The following WDFY4 variants were observed in gnomAD, a reference collection of about 807,000 sequenced individuals.
WDFY4 encodes the protein WDFY family member 4.
A neutral mutation model predicts 351.9 loss-of-function variants in WDFY4; 169 were observed. The observed-to-expected ratio is 0.48, with a 90% confidence interval of 0.42 to 0.55. The LOEUF is 0.55. Ranked by LOEUF, WDFY4 falls within the 20% of genes least tolerant of loss-of-function variation. The pLI is 0.00. For missense variants in WDFY4, 3,803 were observed against 3,935.6 expected (o/e 0.97, Z 0.90); for synonymous variants, 1,622 against 1,574.6 (o/e 1.03, Z -0.71).
intron 47 of WDFY4, chr10:48,910,215 T>C: frequency 6.2e-7 from 1 of 1,601,336 alleles, no homozygotes; most frequent in Non-Finnish European, 8.6e-7. Context: ...TGAGTAGTCT[T>C]CAAGATTTTG....
chr10:48,860,557 C>T (rs981556847), intron 39 of WDFY4, among the ~76,000 whole-genome samples: 2 of 152,222 alleles, frequency 1.3e-5, no homozygotes, highest in Non-Finnish European at 2.9e-5. Context: ...TGTCCCACCT[C>T]TTAATACCAT....
In WDFY4 at chr10:48,720,029, G is replaced by A. The variant is rs1323098266; in HGVS notation, c.253G>A (p.Gly85Arg). The change falls in exon 3 of 62, where the codon GGG becomes AGG. Residue 85 changes from glycine (G) to arginine (R), a missense_variant. This residue lies in a region of WDFY4 where 488 missense variants were observed against 456.8 expected (regional missense o/e 1.07). Coordinates refer to ENST00000325239, the MANE Select transcript of WDFY4 (RefSeq NM_001394531.1). ...LFLKAWEHSV[G>R]IICFPSLQRL... ...GCTTCAGGCCTGGGAACACTCCGTGGGGATCATCTGCTTTCCCAGTCTCCA... is the reference window on the plus strand; with the variant it reads ...GCTTCAGGCCTGGGAACACTCCGTGAGGATCATCTGCTTTCCCAGTCTCCA... The A allele has an allele frequency of 6.4e-7, 1 of 1,551,710 alleles. No individual in the cohort carries two copies. Among genetic ancestry groups the A allele is most frequent in the South Asian group, 1.2e-5 (1 of 84,064 alleles).
intron 2 of WDFY4, among the ~76,000 whole-genome samples, chr10:48,715,823 G>A (rs956116788): frequency 2.0e-5 from 2 of 100,332 alleles, no homozygotes; most frequent in Non-Finnish European, 4.3e-5. Context: ...TTTTTTTTTT[G>A]TATTTTTAGT....
intron 39 of WDFY4, among the ~76,000 whole-genome samples, chr10:48,846,032 G>T (rs1278376884): frequency 6.6e-6 from 1 of 152,182 alleles, no homozygotes; most frequent in Non-Finnish European, 1.5e-5. Flanking sequence ...GCCCCATCCT[G>T]CCATCATGTC....
intron 45 of WDFY4, 52 bp from the exon 46 acceptor site, chr10:48,900,169 C>T (rs1241431382): frequency 3.4e-6 from 5 of 1,486,938 alleles, no homozygotes; most frequent in Admixed American, 2.1e-5. Flanking sequence ...CACCCTGGGG[C>T]GTCTCTAGTC....
At position 48,821,263 on chromosome 10, in the gene WDFY4, C is replaced by G. The variant is rs922211596; in HGVS notation, c.5824+87C>G. On this transcript the variant is annotated intron_variant, in intron 34 of 61. Coordinates refer to ENST00000325239, the MANE Select transcript of WDFY4 (RefSeq NM_001394531.1). The stretch of plus-strand genomic sequence containing the variant: ...ACCAGCATGCTGGCCAGGAACTGAC[C>G]CTAGCTGTGGGATGCTGCCTCCACC... 3.7e-6 allele frequency: 4 copies of G among 1,092,480 alleles called. No individual in the cohort carries two copies. In the African/African-American group the frequency reaches 6.2e-5, roughly 17 times the overall value. 67.7% of individuals were successfully genotyped at this position (1,092,480 alleles called of 1,614,324 possible).
At chr10:48,901,949 C>T (rs1448642923) in intron 47 of WDFY4, 86 bp downstream of exon 47, 3 of 1,254,912 alleles carry the variant, frequency 2.4e-6, no homozygotes, top group Non-Finnish European at 1.1e-6. Context: ...CTAAAGAAGT[C>T]TTGCAGAGAG....
chr10:48,801,583 G>A (rs535581052), intron 24 of WDFY4: 72 of 451,688 alleles, frequency 1.6e-4, no homozygotes, highest in African/African-American at 1.3e-3. Context: ...GTCCCAAATG[G>A]CAGCTGGCCC....
At chr10:48,922,045 GC>G (rs1839129338) in intron 47 of WDFY4, among the ~76,000 whole-genome samples, 1 of 152,064 alleles carries the variant, frequency 6.6e-6, no homozygotes, top group Non-Finnish European at 1.5e-5. Flanking sequence ...ATTCATAATT[GC>G]CCCAAACAGA....
At chr10:48,824,982 CATGTGCAGG>C (rs2133021524) in intron 35 of WDFY4, among the ~76,000 whole-genome samples, 1 of 152,248 alleles carries the variant, frequency 6.6e-6, no homozygotes, top group East Asian at 1.9e-4. Context: ...TTCCAGGGTA[CATGTGCAGG>C]ATGTGCAGGT....
At chr10:48,737,028 C>T (rs2064692082) in intron 11 of WDFY4, among the ~76,000 whole-genome samples, 1 of 152,238 alleles carries the variant, frequency 6.6e-6, no homozygotes, top group Non-Finnish European at 1.5e-5. Flanking sequence ...TTCTGCCTTA[C>T]AACTTTCACA....
chr10:48,874,755 C>T (rs1285063759), intron 41 of WDFY4, among the ~76,000 whole-genome samples: 1 of 152,192 alleles, frequency 6.6e-6, no homozygotes, highest in Non-Finnish European at 1.5e-5. Context: ...GCTGTCCAGC[C>T]CTGGAACCTC....
chr10:48,836,502 C>G (rs937536979), intron 39 of WDFY4, among the ~76,000 whole-genome samples: 3 of 152,170 alleles, frequency 2.0e-5, no homozygotes, highest in African/African-American at 7.2e-5. Context: ...GGTGTTATTC[C>G]TTATCATGTC....
intron 40 of WDFY4, among the ~76,000 whole-genome samples, chr10:48,869,298 C>T (rs754854802): frequency 6.6e-5 from 10 of 152,108 alleles, no homozygotes; most frequent in Non-Finnish European, 1.0e-4. Flanking sequence ...CCCAGGTGCA[C>T]CAAATGAGGC....
chr10:48,839,941 T>G (rs757996119), intron 39 of WDFY4, among the ~76,000 whole-genome samples: 1 of 152,246 alleles, frequency 6.6e-6, no homozygotes, highest in Non-Finnish European at 1.5e-5. Context: ...CAAGGACCTC[T>G]TGGCTCTTGG....
At chr10:48,742,046 T>C (rs943785855) in intron 11 of WDFY4, among the ~76,000 whole-genome samples, 1 of 151,808 alleles carries the variant, frequency 6.6e-6, no homozygotes, top group South Asian at 2.1e-4. Context: ...TAGCCCCCCC[T>C]CCCTCTCTCT....
intron 47 of WDFY4, chr10:48,910,794 A>G (rs1436376236): frequency 9.4e-6 from 4 of 427,640 alleles, no homozygotes; most frequent in Non-Finnish European, 1.2e-5. Flanking sequence ...AGCAGTTGGC[A>G]GCAAGTAAGG....
At chr10:48,789,432 C>T (rs748974978) in intron 21 of WDFY4, among the ~76,000 whole-genome samples, 3 of 152,190 alleles carry the variant, frequency 2.0e-5, no homozygotes, top group Non-Finnish European at 4.4e-5. Context: ...AGCAACACAC[C>T]GCTTTCTGAT....
At chr10:48,794,423 G>A (rs551933903) in intron 23 of WDFY4, among the ~76,000 whole-genome samples, 2 of 152,294 alleles carry the variant, frequency 1.3e-5, no homozygotes, top group African/African-American at 2.4e-5. Context: ...ATGTTTGTGA[G>A]ACATTGAAGG....
Sources: gnomAD v4.1 joint callset for allele counts (sites outside exome capture counted in the v4.1 genomes callset) on GRCh38, gnomAD v4.1.1 for gene constraint, gnomAD v4.1.1 regional missense constraint, MANE v1.5 for transcripts, NCBI Gene and HGNC (gene_info 2026-07-23, HGNC 2026-07-21) for gene names.